The following LDLRAD3 variants were observed in gnomAD, a reference collection of about 807,000 sequenced individuals.
LDLRAD3 encodes the protein low density lipoprotein receptor class A domain containing 3, also known as low-density lipoprotein receptor class A domain-containing protein 3.
In LDLRAD3, 20 loss-of-function variants were observed where a neutral mutation model predicts 29.4. The ratio of observed to expected loss-of-function variants is 0.68; its 90% CI spans 0.48 to 0.99. LDLRAD3 has a LOEUF of 0.99. Ranked by LOEUF, LDLRAD3 falls within the 50% of genes least tolerant of loss-of-function variation. LDLRAD3 has a pLI of 0.00. For missense variants in LDLRAD3, 420 were observed against 454.3 expected (o/e 0.92, Z 0.69); for synonymous variants, 157 against 192.7 (o/e 0.81, Z 1.53).
chr11:36,123,847 T>C (rs200417562), intron 4 of LDLRAD3, among the ~76,000 whole-genome samples: 41,181 of 152,028 alleles, frequency 0.27, 6,119 homozygotes, highest in Admixed American at 0.4. Flanking sequence ...GAGTTGAATA[T>C]TGGCTGAAGC....
At chr11:36,041,569 G>A (rs576011178) in intron 2 of LDLRAD3, among the ~76,000 whole-genome samples, 2 of 152,316 alleles carry the variant, frequency 1.3e-5, no homozygotes, top group Admixed American at 6.5e-5. Flanking sequence ...TTAGTCCTGG[G>A]AGTCTCTGAA....
Position 36,036,111 on chromosome 11 carries a change from C to G in LDLRAD3, c.55C>G (p.Leu19Val), listed in dbSNP as rs761562903. The change falls in exon 2 of 6, where the codon CTG (leucine) becomes GTG (valine). Residue 19 changes from leucine (L) to valine (V), a missense_variant. Leu to Val is a conservative substitution (Grantham distance 32). Transcript: ENST00000315571. ...LLLSSAAESQ[L>V]LPGNNFTNEC... ...TCCCCTCTCTCTGACAGAGAGCCAG[C>G]TGCTCCCCGGGAACAACTTCACCAA... 6 of 1,613,824 alleles carry G rather than the reference C, an allele frequency of 3.7e-6. No homozygotes were observed. In the Admixed American group the frequency reaches 1.0e-4, roughly 27 times the overall value.
At chr11:36,144,239 T>A (rs1198904761) in intron 4 of LDLRAD3, among the ~76,000 whole-genome samples, 1 of 151,764 alleles carries the variant, frequency 6.6e-6, no homozygotes, top group Admixed American at 6.6e-5. Context: ...TGCTCAATGG[T>A]GCCCAGGCTG....
intron 4 of LDLRAD3, among the ~76,000 whole-genome samples, chr11:36,193,389 G>A (rs996171842): frequency 2.0e-5 from 3 of 152,074 alleles, no homozygotes; most frequent in African/African-American, 7.2e-5. Context: ...TTCTGCTGTA[G>A]CTCATCCTGC....
intron 4 of LDLRAD3, among the ~76,000 whole-genome samples, chr11:36,206,725 C>CTTT (rs33957569): frequency 7.5e-6 from 1 of 133,132 alleles, no homozygotes; most frequent in Non-Finnish European, 1.6e-5. Context: ...GTTGATTTTA[C>CTTT]TTTTTTTTTT....
intron 4 of LDLRAD3, among the ~76,000 whole-genome samples, chr11:36,142,112 A>G (rs552983006): frequency 7.3e-4 from 111 of 152,304 alleles, no homozygotes; most frequent in African/African-American, 2.6e-3. Context: ...GAAGCCATCC[A>G]GCCATGGCTG....
At chr11:36,104,166 T>C (rs1045051610) in intron 4 of LDLRAD3, among the ~76,000 whole-genome samples, 8 of 152,206 alleles carry the variant, frequency 5.3e-5, no homozygotes, top group African/African-American at 1.7e-4. Flanking sequence ...TGAGCCGCCC[T>C]ACTCAGAGGC....
chr11:36,174,360 A>G (rs1429530532), intron 4 of LDLRAD3, among the ~76,000 whole-genome samples: 1 of 152,186 alleles, frequency 6.6e-6, no homozygotes, highest in Non-Finnish European at 1.5e-5. Flanking sequence ...CAAAATTGAC[A>G]AGTGGGATCT....
At chr11:35,976,873 C>T (rs748646289) in intron 1 of LDLRAD3, among the ~76,000 whole-genome samples, 1 of 152,088 alleles carries the variant, frequency 6.6e-6, no homozygotes, top group Non-Finnish European at 1.5e-5. Context: ...TGTGTACACA[C>T]ATGTCCATGC....
At chr11:35,958,791 C>T (rs1441426254) in intron 1 of LDLRAD3, among the ~76,000 whole-genome samples, 1 of 152,132 alleles carries the variant, frequency 6.6e-6, no homozygotes, top group African/African-American at 2.4e-5. Context: ...TCATTGAGAT[C>T]GATGGGAGAG....
Position 36,105,205 on chromosome 11 carries a change from T to TTGTGTGTGTGTGTG in LDLRAD3, c.454+6765_454+6778dup, listed in dbSNP as rs10565208. Among the ~76,000 whole-genome samples the TTGTGTGTGTGTGTG allele has an allele frequency of 3.1e-3, 429 of 138,496 alleles. 3 individuals are homozygous for TTGTGTGTGTGTGTG. The highest frequency in any genetic ancestry group is 0.011 in the African/African-American group (389 of 34,752). 90.9% of individuals were successfully genotyped at this position (138,496 alleles called of 152,430 possible). ...CTTTGTCCTGTTCCTTCTGCAGAAT[T>TTGTGTGTGTGTGTG]TGTGTGTGTGTGTGTGTGTGTGTGT... On this transcript the variant is annotated intron_variant, in intron 4 of 5. Coordinates refer to ENST00000315571, the MANE Select transcript of LDLRAD3 (RefSeq NM_174902.4).
intron 4 of LDLRAD3, among the ~76,000 whole-genome samples, chr11:36,103,910 A>G (rs904659521): frequency 2.0e-5 from 3 of 152,216 alleles, no homozygotes; most frequent in Admixed American, 1.3e-4. Flanking sequence ...AGGTGTATAT[A>G]TGTCACATTT....
chr11:36,195,965 C>T (rs16928510), intron 4 of LDLRAD3, among the ~76,000 whole-genome samples: 1 of 150,956 alleles, frequency 6.6e-6, no homozygotes, highest in African/African-American at 2.4e-5. Context: ...TCACCTGATT[C>T]AAGGACATAC....
chr11:36,047,178 G>A (rs1253401892), intron 2 of LDLRAD3, among the ~76,000 whole-genome samples: 1 of 152,140 alleles, frequency 6.6e-6, no homozygotes, highest in Non-Finnish European at 1.5e-5. Context: ...GGTTTTGTTT[G>A]TCCTGCACAA....
At chr11:36,034,549 G>A (rs879630218) in intron 1 of LDLRAD3, among the ~76,000 whole-genome samples, 7 of 152,314 alleles carry the variant, frequency 4.6e-5, no homozygotes, top group East Asian at 1.9e-4. Context: ...GTAATGAAAC[G>A]TGCATGTGCG....
rs1851970473 is a variant in LDLRAD3, at chr11:36,012,627, A to C, written c.47-23476A>C. Among the ~76,000 whole-genome samples, 5 of 152,308 alleles carry C rather than the reference A, an allele frequency of 3.3e-5. 1 individual carries two copies. In the South Asian group the frequency reaches 1.0e-3, roughly 32 times the overall value. On this transcript the variant is annotated intron_variant, in intron 1 of 5. Coordinates refer to ENST00000315571, the MANE Select transcript of LDLRAD3 (RefSeq NM_174902.4). The stretch of plus-strand genomic sequence containing the variant: ...GGCAGATAGTGTAGACAGTGTGTGT[A>C]TGCTGGACAAAGGGAAGATTCATAT...
chr11:36,069,609 A>G (rs763083242), intron 2 of LDLRAD3, among the ~76,000 whole-genome samples: 2 of 151,456 alleles, frequency 1.3e-5, no homozygotes, highest in Non-Finnish European at 2.9e-5. Context: ...TAACTGGTTC[A>G]TAGCACATTT....
chr11:36,039,778 C>A (rs1280242271), intron 2 of LDLRAD3, among the ~76,000 whole-genome samples: 1 of 152,140 alleles, frequency 6.6e-6, no homozygotes, highest in East Asian at 1.9e-4. Flanking sequence ...CTCTATGTTT[C>A]AGTCTCTTCT....
chr11:36,100,695 C>T (rs1853433329), intron 4 of LDLRAD3, among the ~76,000 whole-genome samples: 2 of 152,202 alleles, frequency 1.3e-5, no homozygotes, highest in Admixed American at 1.3e-4. Flanking sequence ...CCTCAGCCTC[C>T]CCAAGTGCCG....
Sources: gnomAD v4.1 joint callset for allele counts (sites outside exome capture counted in the v4.1 genomes callset) on GRCh38, gnomAD v4.1.1 for gene constraint, MANE v1.5 for transcripts, NCBI Gene and HGNC (gene_info 2026-07-23, HGNC 2026-07-21) for gene names.